Variants in STIM2 observed in about 807,000 individuals in gnomAD.
The protein encoded by STIM2 is stromal interaction molecule 2.
In STIM2, 31 loss-of-function variants were observed where a neutral mutation model predicts 85.8. The ratio of observed to expected loss-of-function variants is 0.36; its 90% CI spans 0.27 to 0.49. The LOEUF is 0.49. Ranked by LOEUF, STIM2 falls within the 20% of genes least tolerant of loss-of-function variation. STIM2 has a pLI of 0.98. For missense variants in STIM2, 841 were observed against 927.6 expected (o/e 0.91, Z 1.21); for synonymous variants, 356 against 331.1 (o/e 1.08, Z -0.82).
At chr4:26,862,800 TCTC>T (rs1324032413) in intron 1 of STIM2, among the ~76,000 whole-genome samples, 4 of 152,188 alleles carry the variant, frequency 2.6e-5, no homozygotes, top group African/African-American at 9.6e-5. Context: ...TAGTATTTAT[TCTC>T]CAAATAAAAA....
chr4:26,951,615 G>A (rs1726055439), intron 2 of STIM2, among the ~76,000 whole-genome samples: 1 of 151,994 alleles, frequency 6.6e-6, no homozygotes, highest in Non-Finnish European at 1.5e-5. Flanking sequence ...GGTAAATCCG[G>A]TCCCTGTAAC....
At chr4:26,916,614 T>C (rs763726192) in intron 1 of STIM2, among the ~76,000 whole-genome samples, 15 of 152,248 alleles carry the variant, frequency 9.9e-5, no homozygotes, top group Non-Finnish European at 2.1e-4. Context: ...AATATCCTGG[T>C]ATGAGAAACA....
At chr4:26,895,449 T>C (rs1723663647) in intron 1 of STIM2, among the ~76,000 whole-genome samples, 1 of 152,198 alleles carries the variant, frequency 6.6e-6, no homozygotes, top group South Asian at 2.1e-4. Context: ...CATGGATCCA[T>C]ACGTTTTGAG....
At chr4:26,958,931 G>A (rs1726348874) in intron 3 of STIM2, among the ~76,000 whole-genome samples, 1 of 152,076 alleles carries the variant, frequency 6.6e-6, no homozygotes, top group Admixed American at 6.5e-5. Flanking sequence ...GTAATACATT[G>A]ATTGGAACCC....
chr4:26,992,256 C>T (rs548349812), intron 3 of STIM2, among the ~76,000 whole-genome samples: 28 of 152,134 alleles, frequency 1.8e-4, no homozygotes, highest in Non-Finnish European at 3.5e-4. Flanking sequence ...CGTCATTCAA[C>T]AGCATCCAAC....
At chr4:26,941,267 G>A (rs1350310696) in intron 2 of STIM2, among the ~76,000 whole-genome samples, 1 of 152,092 alleles carries the variant, frequency 6.6e-6, no homozygotes, top group Non-Finnish European at 1.5e-5. Context: ...AGTTCAAGTG[G>A]AATCTTTTCT....
chr4:26,901,776 C>T (rs764932310), intron 1 of STIM2, among the ~76,000 whole-genome samples: 2 of 152,056 alleles, frequency 1.3e-5, no homozygotes, highest in Non-Finnish European at 1.5e-5. Flanking sequence ...AGTGGAATTG[C>T]GATTTGAGCT....
At chr4:26,918,091 T>C (rs1724655696) in intron 1 of STIM2, among the ~76,000 whole-genome samples, 1 of 152,096 alleles carries the variant, frequency 6.6e-6, no homozygotes, top group Non-Finnish European at 1.5e-5. Flanking sequence ...TTTTATAGTT[T>C]CCTTTCTTTT....
intron 1 of STIM2, among the ~76,000 whole-genome samples, chr4:26,879,189 T>A (rs1303019676): frequency 6.6e-6 from 1 of 152,232 alleles, no homozygotes; most frequent in African/African-American, 2.4e-5. Flanking sequence ...TTAATCTACT[T>A]GACTATGTAG....
At chr4:26,937,634 C>T (rs6858361) in intron 2 of STIM2, among the ~76,000 whole-genome samples, 5,724 of 152,040 alleles carry the variant, frequency 0.038, 250 homozygotes, top group African/African-American at 0.11. Context: ...TTTATTATCC[C>T]AACTGGCATT....
intron 1 of STIM2, among the ~76,000 whole-genome samples, chr4:26,871,394 A>G (rs1172907523): frequency 6.6e-6 from 1 of 152,200 alleles, no homozygotes; most frequent in Admixed American, 6.5e-5. Flanking sequence ...GTTACATTGT[A>G]GATCTTTATT....
rs182543204 is a variant in STIM2, at chr4:27,022,793, A to T, written c.2038A>T (p.Ser680Cys). 6.2e-7 allele frequency: 1 copy of T among 1,614,234 alleles called. No homozygotes were observed. Among genetic ancestry groups the T allele is most frequent in the Admixed American group, 1.7e-5 (1 of 60,024 alleles). Residue 680 changes from serine (S) to cysteine (C), a missense_variant, in exon 12 of 12, where the codon AGC (serine) becomes TGC (cysteine). Ser to Cys is a moderately radical substitution (Grantham distance 112). Coordinates refer to ENST00000467087, the MANE Select transcript of STIM2 (RefSeq NM_020860.4). ...CAATGGCATTTTGGAGAAATCCTGT[A>T]GCATGAACCAGCTTTCCAGTGGCAT... is the stretch of plus-strand genomic sequence containing the variant.
intron 3 of STIM2, among the ~76,000 whole-genome samples, chr4:26,974,116 G>A (rs1395598623): frequency 6.6e-6 from 1 of 151,948 alleles, no homozygotes; most frequent in Non-Finnish European, 1.5e-5. Flanking sequence ...TTTATTTTGA[G>A]CCTATGTAAG....
intron 3 of STIM2, among the ~76,000 whole-genome samples, chr4:26,964,823 A>G (rs928409971): frequency 6.6e-6 from 1 of 152,198 alleles, no homozygotes; most frequent in Non-Finnish European, 1.5e-5. Flanking sequence ...AACTGAGATT[A>G]TGTAGAAGGC....
intron 3 of STIM2, among the ~76,000 whole-genome samples, chr4:26,988,088 T>G (rs2109119283): frequency 6.6e-6 from 1 of 152,312 alleles, no homozygotes; most frequent in Non-Finnish European, 1.5e-5. Context: ...TAAATGAGAA[T>G]GTATGTAAAG....
intron 2 of STIM2, among the ~76,000 whole-genome samples, chr4:26,956,275 A>G (rs1388976522): frequency 1.3e-5 from 2 of 152,204 alleles, no homozygotes; most frequent in African/African-American, 4.8e-5. Flanking sequence ...TAATGGGTAC[A>G]TATATGAGCA....
intron 2 of STIM2, among the ~76,000 whole-genome samples, chr4:26,933,733 C>CAAAAAAAAAAA (rs771503772): frequency 1.7e-4 from 8 of 47,730 alleles, no homozygotes; most frequent in African/African-American, 4.2e-4. Context: ...GACCTGATCT[C>CAAAAAAAAAAA]AAAAAAAAAA....
At chr4:27,001,191 G>T (rs904907524) in intron 5 of STIM2, among the ~76,000 whole-genome samples, 9 of 152,186 alleles carry the variant, frequency 5.9e-5, no homozygotes, top group Non-Finnish European at 1.0e-4. Context: ...GGAGGCCTGG[G>T]CATTTAGGCA....
intron 2 of STIM2, among the ~76,000 whole-genome samples, chr4:26,921,980 A>G (rs565039252): frequency 2.6e-5 from 4 of 152,306 alleles, no homozygotes; most frequent in Admixed American, 2.0e-4. Context: ...ATTTATTTCT[A>G]GAACCACCGA....
Sources: gnomAD v4.1 joint callset for allele counts (sites outside exome capture counted in the v4.1 genomes callset) on GRCh38, gnomAD v4.1.1 for gene constraint, MANE v1.5 for transcripts, NCBI Gene and HGNC (gene_info 2026-07-23, HGNC 2026-07-21) for gene names.